The following C12orf42 variants were observed in gnomAD, a reference collection of about 807,000 sequenced individuals.
The protein encoded by C12orf42 is uncharacterized protein C12orf42.
A neutral mutation model predicts 21.6 loss-of-function variants in C12orf42; 25 were observed. That is an observed-to-expected ratio of 1.16 (90% CI 0.84 to 1.62). C12orf42 has a LOEUF of 1.62. C12orf42 is among the 40% of genes most tolerant of loss of function. The pLI is 0.00. For synonymous variants in C12orf42, 174 were observed against 175.0 expected, an observed-to-expected ratio of 0.99 and a Z score of 0.05; for missense variants, 483 against 459.3, an observed-to-expected ratio of 1.05 and a Z score of -0.47.
intron 2 of C12orf42, among the ~76,000 whole-genome samples, chr12:103,471,429 C>T (rs1953594724): frequency 6.6e-6 from 1 of 152,154 alleles, no homozygotes; most frequent in Non-Finnish European, 1.5e-5. Flanking sequence ...CCATACTTAA[C>T]CTAAACAGCC....
At chr12:103,275,888 T>C (rs1355348482) in intron 5 of C12orf42, among the ~76,000 whole-genome samples, 2 of 151,884 alleles carry the variant, frequency 1.3e-5, no homozygotes, top group Non-Finnish European at 2.9e-5. Flanking sequence ...CTGGGCAAAA[T>C]AGGGAGACAT....
chr12:103,266,197 A>G (rs774252428), downstream of C12orf42, among the ~76,000 whole-genome samples: 6 of 152,290 alleles, frequency 3.9e-5, no homozygotes, highest in Non-Finnish European at 8.8e-5. Context: ...TAGTCAAACT[A>G]TAAGAAAAAT....
intron 3 of C12orf42, among the ~76,000 whole-genome samples, chr12:103,401,309 C>T (rs1273849572): frequency 1.3e-5 from 2 of 152,180 alleles, no homozygotes; most frequent in Non-Finnish European, 2.9e-5. Context: ...CATACAGGCA[C>T]TGCAAAGACC....
intron 4 of C12orf42, among the ~76,000 whole-genome samples, chr12:103,281,250 A>G (rs1326035848): frequency 2.0e-5 from 3 of 152,198 alleles, no homozygotes; most frequent in Non-Finnish European, 4.4e-5. Context: ...GAAGATTCCA[A>G]GTGACTTTTC....
chr12:103,491,609 C>T (rs560684707), intron 1 of C12orf42, among the ~76,000 whole-genome samples: 3 of 152,198 alleles, frequency 2.0e-5, no homozygotes, highest in African/African-American at 7.2e-5. Flanking sequence ...GCCTTGAGCT[C>T]CTTGTTTCTA....
At chr12:103,268,954 G>A (rs2035306564) in exon 7 of C12orf42, 1 of 152,106 alleles carries the variant, frequency 6.6e-6, no homozygotes, top group African/African-American at 2.4e-5. Context: ...GCAGGATGAA[G>A]CAGGAAACCT....
the C12orf42 span, among the ~76,000 whole-genome samples, chr12:103,164,055 A>G: frequency 5.3e-4 from 81 of 152,306 alleles, no homozygotes; most frequent in Non-Finnish European, 8.5e-4. Flanking sequence ...CAATTATTAT[A>G]AGCCCAGTGT....
the C12orf42 span, among the ~76,000 whole-genome samples, chr12:103,151,364 A>C: frequency 4.6e-5 from 7 of 152,200 alleles, no homozygotes; most frequent in Admixed American, 1.3e-4. Flanking sequence ...ATATAGAAAG[A>C]ATACTTTCCA....
At chr12:103,131,913 C>T in the C12orf42 span, among the ~76,000 whole-genome samples, 12 of 151,652 alleles carry the variant, frequency 7.9e-5, no homozygotes, top group South Asian at 4.2e-4. Flanking sequence ...GTAGTGGTAG[C>T]GAAGGAGTGA....
At chr12:103,516,902 G>A in the C12orf42 span, among the ~76,000 whole-genome samples, 1 of 152,186 alleles carries the variant, frequency 6.6e-6, no homozygotes, top group South Asian at 2.1e-4. Flanking sequence ...ACGGGTTCTT[G>A]CATAGTTTTG....
the C12orf42 span, among the ~76,000 whole-genome samples, chr12:103,185,669 A>G: frequency 3.3e-4 from 50 of 152,180 alleles, no homozygotes; most frequent in African/African-American, 1.2e-3. Flanking sequence ...AGAGAATTTG[A>G]ATCATGGGGG....
the C12orf42 span, among the ~76,000 whole-genome samples, chr12:103,185,741 CA>C: frequency 6.6e-6 from 1 of 152,092 alleles, no homozygotes; most frequent in African/African-American, 2.4e-5. Context: ...ATGGTTTCGT[CA>C]GGGGTTTCTG....
chr12:103,519,986 A>C, the C12orf42 span, among the ~76,000 whole-genome samples: 1 of 152,200 alleles, frequency 6.6e-6, no homozygotes. Flanking sequence ...TGGGCACCAC[A>C]GGGAGATGTC....
At chr12:103,300,282 A>G (rs2037562212), downstream of C12orf42, among the ~76,000 whole-genome samples, 1 of 152,214 alleles carries the variant, frequency 6.6e-6, no homozygotes, top group South Asian at 2.1e-4. Flanking sequence ...TTTTTTTATT[A>G]TGGGATTTCT....
chr12:103,473,030 C>A (rs2374068), intron 2 of C12orf42, among the ~76,000 whole-genome samples: 8,719 of 152,220 alleles, frequency 0.057, 359 homozygotes, highest in Non-Finnish European at 0.078. Flanking sequence ...TATTCTCATG[C>A]TATAAATCTC....
intron 4 of C12orf42, among the ~76,000 whole-genome samples, chr12:103,329,525 C>A (rs2041027848): frequency 6.6e-6 from 1 of 151,422 alleles, no homozygotes; most frequent in African/African-American, 2.4e-5. Context: ...TCTTCACATG[C>A]ATCCCAGAAC....
At chr12:103,151,212 C>T in the C12orf42 span, among the ~76,000 whole-genome samples, 1 of 152,260 alleles carries the variant, frequency 6.6e-6, no homozygotes, top group South Asian at 2.1e-4. Context: ...CAGGCGTGAG[C>T]CACCACACCC....
chr12:103,352,245 T>C (rs192578485), intron 4 of C12orf42, among the ~76,000 whole-genome samples: 2 of 152,244 alleles, frequency 1.3e-5, no homozygotes, highest in Admixed American at 1.3e-4. Flanking sequence ...ACTTGTAAAT[T>C]TGAAGCAGAG....
chr12:103,075,902 T>C, the C12orf42 span, among the ~76,000 whole-genome samples: 1 of 152,092 alleles, frequency 6.6e-6, no homozygotes, highest in Non-Finnish European at 1.5e-5. Context: ...TGGGACACTT[T>C]TTTTAGGTTG....
Sources: allele counts gnomAD v4.1 joint callset (sites outside exome capture counted in the v4.1 genomes callset), GRCh38; gene constraint gnomAD v4.1.1; transcripts MANE v1.5; gene names NCBI Gene and HGNC (gene_info 2026-07-23, HGNC 2026-07-21).